Variants in RBMS3 observed in about 807,000 individuals in gnomAD.
The protein encoded by RBMS3 is RNA-binding motif, single-stranded-interacting protein 3.
In RBMS3, 27 loss-of-function variants were observed where a neutral mutation model predicts 66.8. That is an observed-to-expected ratio of 0.40 (90% CI 0.30 to 0.56). The LOEUF (loss-of-function observed/expected upper bound fraction) is 0.56, where lower values mean the gene tolerates loss of function less well. Among genes scored for constraint, RBMS3 ranks in the 20% least tolerant of loss-of-function variants. RBMS3 has a pLI of 0.40. For synonymous variants in RBMS3, 188 were observed against 183.0 expected (o/e 1.03, Z -0.22); for missense variants, 513 against 549.5 (o/e 0.93, Z 0.66).
chr3:29,886,695 G>T (rs185541991), intron 8 of RBMS3, among the ~76,000 whole-genome samples: 2 of 151,816 alleles, frequency 1.3e-5, no homozygotes, highest in South Asian at 2.1e-4. Context: ...TAAGCCTGGG[G>T]AGTAATTATT....
At chr3:29,490,765 A>G (rs1023611147) in intron 3 of RBMS3, among the ~76,000 whole-genome samples, 2 of 152,176 alleles carry the variant, frequency 1.3e-5, no homozygotes, top group African/African-American at 4.8e-5. Flanking sequence ...GGCCATGGCC[A>G]AGGGATGTTC....
intron 4 of RBMS3, among the ~76,000 whole-genome samples, chr3:29,643,764 G>A (rs1373082433): frequency 6.6e-6 from 1 of 152,078 alleles, no homozygotes; most frequent in South Asian, 2.1e-4. Flanking sequence ...GACAGTTAAT[G>A]GATATTTAGT....
rs575989752 is a variant in RBMS3 at position 29,683,591 on chromosome 3, G to GAC, written c.400-56115_400-56114dup. ...CTGGCTAGAAATATATAGGGACACAGACACACACACACACAAACACACCAC... is the reference window on the plus strand; with the variant it reads ...CTGGCTAGAAATATATAGGGACACAGACACACACACACACACAAACACACCAC... On this transcript the variant is annotated intron_variant, in intron 4 of 14. Coordinates refer to ENST00000383767, the MANE Select transcript of RBMS3 (RefSeq NM_001003793.3). Among the ~76,000 whole-genome samples the GAC allele has an allele frequency of 7.4e-3, 1,124 of 151,662 alleles. 12 individuals are homozygous for GAC. The highest frequency in any genetic ancestry group is 0.038 in the South Asian group (183 of 4,796).
At chr3:29,609,364 T>C (rs1283195414) in intron 4 of RBMS3, among the ~76,000 whole-genome samples, 1 of 151,900 alleles carries the variant, frequency 6.6e-6, no homozygotes, top group Non-Finnish European at 1.5e-5. Context: ...AAAGAACTGA[T>C]GAAAGGGTCC....
chr3:29,372,911 C>A (rs576005345), intron 1 of RBMS3, among the ~76,000 whole-genome samples: 1 of 151,498 alleles, frequency 6.6e-6, no homozygotes, highest in African/African-American at 2.4e-5. Flanking sequence ...GAAAAAACGC[C>A]TTGAAACCAT....
At chr3:29,942,547 G>T (rs1239348243) in intron 11 of RBMS3, among the ~76,000 whole-genome samples, 2 of 150,996 alleles carry the variant, frequency 1.3e-5, no homozygotes, top group Admixed American at 1.3e-4. Context: ...GAAAGAGAAA[G>T]AAAAAAGGAA....
intron 10 of RBMS3, among the ~76,000 whole-genome samples, chr3:29,922,475 CAG>C (rs1227657861): frequency 8.4e-6 from 1 of 118,732 alleles, no homozygotes; most frequent in Non-Finnish European, 1.6e-5. Flanking sequence ...GCCTGGGCGA[CAG>C]AGCGAGACTC....
intron 1 of RBMS3, among the ~76,000 whole-genome samples, chr3:29,344,763 T>A (rs1025496900): frequency 4.6e-5 from 7 of 152,158 alleles, no homozygotes; most frequent in Non-Finnish European, 1.0e-4. Flanking sequence ...TTCATGTACA[T>A]ATTTCCCTTT....
chr3:29,461,228 A>G (rs2042358097), intron 2 of RBMS3, among the ~76,000 whole-genome samples: 2 of 152,154 alleles, frequency 1.3e-5, no homozygotes, highest in Non-Finnish European at 2.9e-5. Flanking sequence ...TCAGTGTGCA[A>G]TATGCTTACA....
chr3:29,660,103 T>G (rs1576459175), intron 4 of RBMS3, among the ~76,000 whole-genome samples: 1 of 152,206 alleles, frequency 6.6e-6, no homozygotes, highest in Non-Finnish European at 1.5e-5. Flanking sequence ...AAAATAATTT[T>G]TTTATAATTC....
intron 6 of RBMS3, among the ~76,000 whole-genome samples, chr3:29,782,186 C>T (rs1003486154): frequency 9.2e-5 from 14 of 152,130 alleles, no homozygotes. Flanking sequence ...AGCTGACGCG[C>T]TCTTGAAAGC....
intron 1 of RBMS3, among the ~76,000 whole-genome samples, chr3:29,357,244 G>A (rs1036189475): frequency 3.3e-5 from 5 of 150,746 alleles, no homozygotes; most frequent in East Asian, 3.9e-4. Flanking sequence ...TTCCCCTTCC[G>A]GTGTTCAAGT....
intron 4 of RBMS3, among the ~76,000 whole-genome samples, chr3:29,670,461 A>G (rs1301525324): frequency 1.3e-5 from 2 of 152,176 alleles, no homozygotes; most frequent in African/African-American, 2.4e-5. Flanking sequence ...GCATCGCCTC[A>G]CTCGGGAATC....
chr3:29,438,031 TCTCTCTC>T (rs2041468678), intron 2 of RBMS3, among the ~76,000 whole-genome samples: 1 of 130,840 alleles, frequency 7.6e-6, no homozygotes, highest in African/African-American at 3.4e-5. Flanking sequence ...TGCTTGTTTC[TCTCTCTC>T]TCTCTCTCTC....
chr3:29,863,991 T>C (rs1386896931), intron 6 of RBMS3, among the ~76,000 whole-genome samples: 1 of 152,216 alleles, frequency 6.6e-6, no homozygotes, highest in Non-Finnish European at 1.5e-5. Context: ...TTTTGGAATG[T>C]AATTATAGAT....
intron 6 of RBMS3, among the ~76,000 whole-genome samples, chr3:29,809,573 T>C (rs1341652715): frequency 6.6e-6 from 1 of 152,020 alleles, no homozygotes; most frequent in Non-Finnish European, 1.5e-5. Flanking sequence ...AATTTTATCA[T>C]ATATTTGATT....
At chr3:29,467,267 A>G (rs1171152650) in intron 2 of RBMS3, among the ~76,000 whole-genome samples, 1 of 152,206 alleles carries the variant, frequency 6.6e-6, no homozygotes, top group Non-Finnish European at 1.5e-5. Context: ...AGTCTCATGT[A>G]AAGTTCAAAT....
intron 5 of RBMS3, among the ~76,000 whole-genome samples, chr3:29,759,924 C>T (rs753732780): frequency 6.6e-6 from 1 of 152,054 alleles, no homozygotes. Context: ...TAAGCGCCGG[C>T]AGCTACAGAA....
In RBMS3 at chr3:29,753,916, T is replaced by G. The variant is rs558382283; in HGVS notation, c.558-8994T>G. Among the ~76,000 whole-genome samples, 5 of 152,256 alleles carry G rather than the reference T, an allele frequency of 3.3e-5. No homozygotes were observed. In the East Asian group the frequency reaches 9.6e-4, roughly 29 times the overall value. On this transcript the variant is annotated intron_variant, in intron 5 of 14. Transcript: ENST00000383767. ...CTTTTTCTTTTCAGAGAGAAACTAT[T>G]TTTTCCCCGACCAAAATTTTAAATG...
Sources: gnomAD v4.1 joint callset for allele counts (sites outside exome capture counted in the v4.1 genomes callset) on GRCh38, gnomAD v4.1.1 for gene constraint, MANE v1.5 for transcripts, NCBI Gene and HGNC (gene_info 2026-07-23, HGNC 2026-07-21) for gene names.